Variants in FAM169A observed in about 807,000 individuals in gnomAD.
FAM169A encodes family with sequence similarity 169 member A, also known as soluble lamin-associated protein of 75 kDa.
Under a neutral mutation model 75.7 loss-of-function variants are expected in FAM169A, and 24 were observed. That is an observed-to-expected ratio of 0.32 (90% CI 0.23 to 0.45). The LOEUF (loss-of-function observed/expected upper bound fraction) is 0.45. Among genes scored for constraint, FAM169A ranks in the 20% least tolerant of loss-of-function variants. The pLI, the probability that FAM169A is intolerant of heterozygous loss-of-function variation, is 1.00. For missense variants in FAM169A, 673 were observed against 784.0 expected (o/e 0.86, Z 1.69); for synonymous variants, 271 against 271.0 (o/e 1.00, Z 0.00).
At chr5:74,805,976 C>CAAAAAA (rs370761667) in intron 6 of FAM169A, among the ~76,000 whole-genome samples, 10 of 85,244 alleles carry the variant, frequency 1.2e-4, no homozygotes, top group South Asian at 3.8e-4. Context: ...TTAAAAGCTC[C>CAAAAAA]AAAAAAAAAA....
rs537724760 is a variant in FAM169A, at chr5:74,838,191, A to C, written c.318+774T>G. Among the ~76,000 whole-genome samples the C allele has an allele frequency of 2.0e-5, 3 of 151,878 alleles. No homozygotes were observed. In the East Asian group the frequency reaches 5.8e-4, roughly 29 times the overall value. On this transcript the variant is annotated intron_variant, in intron 4 of 12. Transcript: ENST00000687041. ...TTTTAGGATTAACAAGACACTCTAT[A>C]CTTAATTAATGAATAGTACTGCTTC...
chr5:74,838,917 T>C lies in FAM169A; in HGVS notation c.318+48A>G, dbSNP rs16872323. The C allele has an allele frequency of 0.13, 160,782 of 1,282,186 alleles. 11,379 individuals carry two copies. The highest frequency in any genetic ancestry group is 0.25 in the African/African-American group (17,181 of 68,534). 79.4% of individuals were successfully genotyped at this position (1,282,186 alleles called of 1,614,324 possible). A position where few individuals can be genotyped will look rare whatever the true frequency, so the allele number is the denominator to read the frequency against. On this transcript the variant is annotated intron_variant, in intron 4 of 12. Coordinates refer to ENST00000687041, the MANE Select transcript of FAM169A (RefSeq NM_001376049.1). Reference sequence around the variant, plus strand: ...AACTATCACTGTTTACAGGAAACACTGTGAAATGGCCTCAAAAGAAACACT... The same window carrying C: ...AACTATCACTGTTTACAGGAAACACCGTGAAATGGCCTCAAAAGAAACACT...
intron 5 of FAM169A, among the ~76,000 whole-genome samples, chr5:74,833,155 T>C (rs779769406): frequency 4.6e-5 from 7 of 152,106 alleles, no homozygotes; most frequent in Non-Finnish European, 8.8e-5. Flanking sequence ...CAAATGTCTA[T>C]CAGGTAGGAA....
intron 11 of FAM169A, among the ~76,000 whole-genome samples, chr5:74,784,651 GCTCACACCTGTAAT>G: frequency 6.9e-6 from 1 of 145,518 alleles, no homozygotes; most frequent in Admixed American, 6.9e-5. Context: ...GGCCACGGTG[GCTCACACCTGTAAT>G]CCCAGCACTT....
chr5:74,818,039 A>G (rs1747560299), intron 5 of FAM169A, among the ~76,000 whole-genome samples: 1 of 152,228 alleles, frequency 6.6e-6, no homozygotes, highest in Non-Finnish European at 1.5e-5. Flanking sequence ...ATAAGATCTA[A>G]AACTACTCAA....
chr5:74,796,448 C>T (rs1746281038), intron 10 of FAM169A, among the ~76,000 whole-genome samples: 1 of 151,744 alleles, frequency 6.6e-6, no homozygotes, highest in Admixed American at 6.6e-5. Flanking sequence ...CTCTGTTGCC[C>T]AGGCTGGAGT....
At chr5:74,795,337 A>AT (rs1039155345) in intron 11 of FAM169A, among the ~76,000 whole-genome samples, 1 of 152,148 alleles carries the variant, frequency 6.6e-6, no homozygotes, top group Non-Finnish European at 1.5e-5. Context: ...CAGCTGAAAG[A>AT]TTTTTTCAAG....
chr5:74,824,276 T>C (rs1157971987), intron 5 of FAM169A, among the ~76,000 whole-genome samples: 2 of 152,184 alleles, frequency 1.3e-5, no homozygotes, highest in South Asian at 4.1e-4. Context: ...ACTTCAAAAA[T>C]AGCGACTAAT....
intron 5 of FAM169A, among the ~76,000 whole-genome samples, chr5:74,818,830 A>C (rs1747623683): frequency 6.8e-6 from 1 of 147,490 alleles, no homozygotes; most frequent in Non-Finnish European, 1.5e-5. Flanking sequence ...TATATGTCAA[A>C]GCACAATTTT....
At chr5:74,808,449 G>A (rs909351628) in intron 6 of FAM169A, among the ~76,000 whole-genome samples, 3 of 152,134 alleles carry the variant, frequency 2.0e-5, no homozygotes, top group Non-Finnish European at 4.4e-5. Context: ...ACAGAAAGCA[G>A]AAAACAGGTT....
At chr5:74,820,048 T>TGC (rs1200608764) in intron 5 of FAM169A, among the ~76,000 whole-genome samples, 2 of 143,534 alleles carry the variant, frequency 1.4e-5, no homozygotes, top group Non-Finnish European at 3.0e-5. Flanking sequence ...CAGGCTGGAG[T>TGC]GCACTGGGCC....
intron 11 of FAM169A, among the ~76,000 whole-genome samples, chr5:74,786,212 A>G (rs530343308): frequency 1.3e-5 from 2 of 152,186 alleles, no homozygotes; most frequent in Non-Finnish European, 2.9e-5. Context: ...CAGACAGCCT[A>G]TTGTGGGACC....
chr5:74,864,352 T>A (rs992120794), intron 1 of FAM169A, among the ~76,000 whole-genome samples: 3 of 152,192 alleles, frequency 2.0e-5, no homozygotes, highest in Non-Finnish European at 4.4e-5. Context: ...TGCCTCAGCC[T>A]CCCGAGTAGC....
chr5:74,808,897 T>A (rs958572943), intron 6 of FAM169A, among the ~76,000 whole-genome samples: 1 of 152,220 alleles, frequency 6.6e-6, no homozygotes, highest in African/African-American at 2.4e-5. Flanking sequence ...TTCACATTTG[T>A]TCAATCTAGA....
Position 74,801,316 on chromosome 5 carries a change from C to T in FAM169A, c.952+274G>A, listed in dbSNP as rs143633163. ...TTTTTGTATTTCACTTGCATTCCCT[C>T]CCAATAATCTTGGAAAATAAACAAC... is the stretch of plus-strand genomic sequence containing the variant. On this transcript the variant is annotated intron_variant, in intron 9 of 12. Coordinates refer to ENST00000687041, the MANE Select transcript of FAM169A (RefSeq NM_001376049.1). Among the ~76,000 whole-genome samples the T allele has an allele frequency of 9.9e-5, 15 of 152,282 alleles. No homozygotes were observed. The East Asian group carries it at 2.9e-3, about 29-fold the overall frequency.
At position 74,781,952 on chromosome 5, in the gene FAM169A, C is replaced by T. The variant is rs759604131; in HGVS notation, c.1521G>A (p.Lys507=). Residue 507 remains lysine (K), a synonymous_variant, in exon 13 of 13, where the codon AAG becomes AAA. Coordinates refer to ENST00000687041, the MANE Select transcript of FAM169A (RefSeq NM_001376049.1). ...MLMDEGTSDE[K]GHMEEKLSLL... ...GGGACAATTTCTCTTCCATGTGCCC[C>T]TTTTCATCAGATGTGCCTTCATCCA... 6.2e-7 allele frequency: 1 copy of T among 1,614,036 alleles called. No individual in the cohort carries two copies. The highest frequency in any genetic ancestry group is 2.2e-5 in the East Asian group (1 of 44,884).
chr5:74,855,347 C>T lies in FAM169A; in HGVS notation c.-4+10818G>A, dbSNP rs559647822. On this transcript the variant is annotated intron_variant, in intron 1 of 12. Coordinates refer to ENST00000687041, the MANE Select transcript of FAM169A (RefSeq NM_001376049.1). Reference sequence around the variant, plus strand: ...AGTAGCTGGGACGACAGGTATGCACCACCATGTTCAGCTAATTTTTTGGTA... The same window carrying T: ...AGTAGCTGGGACGACAGGTATGCACTACCATGTTCAGCTAATTTTTTGGTA... Among the ~76,000 whole-genome samples, 98 of 152,294 alleles carry T rather than the reference C, an allele frequency of 6.4e-4. 1 individual carries two copies. The highest frequency in any genetic ancestry group is 2.3e-3 in the African/African-American group (96 of 41,550).
chr5:74,858,054 T>C (rs991799140), intron 1 of FAM169A, among the ~76,000 whole-genome samples: 9 of 151,998 alleles, frequency 5.9e-5, no homozygotes, highest in Non-Finnish European at 1.2e-4. Flanking sequence ...TATCAAGATG[T>C]CTACAATTTG....
In FAM169A at chr5:74,781,968, C is replaced by CCTT. The variant is rs1745435010; in HGVS notation, c.1502_1504dup (p.Glu501dup). The CCTT allele has an allele frequency of 6.2e-7, 1 of 1,613,502 alleles. No homozygotes were observed. On this transcript the variant is annotated inframe_insertion, in exon 13 of 13. Coordinates refer to ENST00000687041, the MANE Select transcript of FAM169A (RefSeq NM_001376049.1). ...CATGTGCCCCTTTTCATCAGATGTG[C>CCTT]CTTCATCCATCAACATTTCTGAGTC...
Sources: allele counts gnomAD v4.1 joint callset (sites outside exome capture counted in the v4.1 genomes callset), GRCh38; gene constraint gnomAD v4.1.1; transcripts MANE v1.5; gene names NCBI Gene and HGNC (gene_info 2026-07-23, HGNC 2026-07-21).